The following MYBPC2 variants were observed in gnomAD, a reference collection of about 807,000 sequenced individuals.
MYBPC2 encodes the protein myosin-binding protein C, fast-type.
Under a neutral mutation model 137.0 loss-of-function variants are expected in MYBPC2, and 122 were observed. The ratio of observed to expected loss-of-function variants is 0.89; its 90% confidence interval spans 0.77 to 1.03. The LOEUF (loss-of-function observed/expected upper bound fraction) is 1.03. Among genes scored for constraint, MYBPC2 ranks in the 50% least tolerant of loss-of-function variants. The pLI is 0.00. For missense variants in MYBPC2, 1,500 were observed against 1,534.4 expected (o/e 0.98, Z 0.37); for synonymous variants, 626 against 612.3 (o/e 1.02, Z -0.33).
intron 12 of MYBPC2, among the ~76,000 whole-genome samples, chr19:50,448,008 C>T (rs1192568364): frequency 6.6e-6 from 1 of 152,156 alleles, no homozygotes; most frequent in Non-Finnish European, 1.5e-5. Context: ...GTAGATTCCT[C>T]CCTGCCTCCC....
intron 27 of MYBPC2, 150 bp downstream of exon 27, chr19:50,464,682 G>GA: frequency 1.1e-6 from 1 of 916,758 alleles, no homozygotes; most frequent in Non-Finnish European, 1.5e-6. Flanking sequence ...TGTCCTGAAG[G>GA]CAGCACAGGG....
At chr19:50,449,750 A>G (rs2039839267) in intron 13 of MYBPC2, among the ~76,000 whole-genome samples, 1 of 152,178 alleles carries the variant, frequency 6.6e-6, no homozygotes, top group Non-Finnish European at 1.5e-5. Flanking sequence ...GAGAGCCAGC[A>G]TGATGCCTGG....
At chr19:50,454,900 C>G (rs1312199392) in intron 18 of MYBPC2, among the ~76,000 whole-genome samples, 9 of 152,132 alleles carry the variant, frequency 5.9e-5, no homozygotes, top group Non-Finnish European at 1.0e-4. Flanking sequence ...CTCCTGGCCT[C>G]CTGGTTCATG....
At chr19:50,460,354 T>C (rs183360839) in intron 24 of MYBPC2, among the ~76,000 whole-genome samples, 175 bp downstream of exon 24, 8 of 152,278 alleles carry the variant, frequency 5.3e-5, no homozygotes, top group African/African-American at 1.9e-4. Context: ...TTCATTTTCT[T>C]TTTTCACTGA....
At chr19:50,450,512 T>G (rs2039845935) in intron 13 of MYBPC2, among the ~76,000 whole-genome samples, 1 of 152,114 alleles carries the variant, frequency 6.6e-6, no homozygotes, top group Non-Finnish European at 1.5e-5. Flanking sequence ...CAAACAATTC[T>G]CGATCCTCAG....
chr19:50,466,204 G>A lies in MYBPC2; in HGVS notation c.3425G>A (p.Ter1142=), dbSNP rs1179390291. 1.2e-6 allele frequency: 2 copies of A among 1,613,774 alleles called. No homozygotes were observed. The highest frequency in any genetic ancestry group is 1.7e-6 in the Non-Finnish European group (2 of 1,179,862). The part of the protein sequence containing the change: ...ECKLEVRVPQ[*] ...TCTCGTTTTCCTGCAGTGCCGCAGTGAGACCTGTCCCCTACCTGCCAAGAC... is the reference window on the plus strand; with the variant it reads ...TCTCGTTTTCCTGCAGTGCCGCAGTAAGACCTGTCCCCTACCTGCCAAGAC... The change falls in exon 28 of 28, where the codon TGA becomes TAA. Residue 1142 remains the stop codon, a stop_retained_variant. Coordinates refer to ENST00000357701, the MANE Select transcript of MYBPC2 (RefSeq NM_004533.4). The surrounding 1 kb of genome is among the most constrained non-coding windows in gnomAD (Gnocchi z 4.9).
In MYBPC2 at chr19:50,465,608, A is replaced by G. The variant is rs912049583; in HGVS notation, c.3416-587A>G. On this transcript the variant is annotated intron_variant, in intron 27 of 27. Coordinates refer to ENST00000357701, the MANE Select transcript of MYBPC2 (RefSeq NM_004533.4). The surrounding 1 kb of genome is among the most constrained non-coding windows in gnomAD (Gnocchi z 4.5). ...TGTAATCCCAGCACATTGGGAGGCCAAGGCAGGCGAGTTGCTTGAGCCCAG... is the reference window on the plus strand; with the variant it reads ...TGTAATCCCAGCACATTGGGAGGCCGAGGCAGGCGAGTTGCTTGAGCCCAG... Among the ~76,000 whole-genome samples, 3 of 152,174 alleles carry G rather than the reference A, an allele frequency of 2.0e-5. No individual in the cohort carries two copies. Among genetic ancestry groups the G allele is most frequent in the Non-Finnish European group, 4.4e-5 (3 of 68,034 alleles).
At position 50,443,601 on chromosome 19, in the gene MYBPC2, C is replaced by A; in HGVS notation, c.1010C>A (p.Thr337Asn). ...EVAVKDEKCF[T>N]ELFVKEPPVL... ...GCTGTCAAGGATGAGAAGTGTTTCA[C>A]CGAGCTCTTCGTCAAAGGTGAGGCT... is the stretch of plus-strand genomic sequence containing the variant. Residue 337 changes from threonine (T) to asparagine (N), a missense_variant, in exon 10 of 28, where the codon ACC (threonine) becomes AAC (asparagine). Transcript: ENST00000357701. 2 of 1,613,530 alleles carry A rather than the reference C, an allele frequency of 1.2e-6. No homozygotes were observed. Among genetic ancestry groups the A allele is most frequent in the Non-Finnish European group, 1.7e-6 (2 of 1,179,632 alleles).
chr19:50,462,523 C>G (rs775010622), intron 26 of MYBPC2, among the ~76,000 whole-genome samples: 1 of 151,942 alleles, frequency 6.6e-6, no homozygotes, highest in African/African-American at 2.4e-5. Flanking sequence ...GTTAGCTCCT[C>G]TGACCAGAGC....
chr19:50,454,856 C>A (rs12985874), intron 18 of MYBPC2, among the ~76,000 whole-genome samples: 39,827 of 151,896 alleles, frequency 0.26, 5,367 homozygotes, highest in East Asian at 0.38. Context: ...CCTGGGAATT[C>A]TCACTTTGAC....
At chr19:50,460,009 G>A (rs2039956999) in intron 23 of MYBPC2, 31 bp from the exon 24 acceptor site, 2 of 1,550,108 alleles carry the variant, frequency 1.3e-6, no homozygotes, top group Non-Finnish European at 1.7e-6. Flanking sequence ...CCCAAAACCT[G>A]GACTGACTTG....
At chr19:50,453,954 C>A in intron 16 of MYBPC2, 66 bp from the exon 17 acceptor site, 1 of 1,504,146 alleles carries the variant, frequency 6.6e-7, no homozygotes, top group Non-Finnish European at 8.9e-7. Flanking sequence ...AGGGGAATGG[C>A]AGAGGCAGGC....
chr19:50,444,942 T>C (rs1481404598), intron 11 of MYBPC2, among the ~76,000 whole-genome samples: 1 of 150,954 alleles, frequency 6.6e-6, no homozygotes, highest in Non-Finnish European at 1.5e-5. Flanking sequence ...ATTTATAATC[T>C]GCTAATTTGG....
At position 50,436,067 on chromosome 19, in the gene MYBPC2, G is replaced by C. The variant is rs546115552; in HGVS notation, c.252G>C (p.Pro84=). 4.4e-6 allele frequency: 7 copies of C among 1,584,346 alleles called. No individual in the cohort carries two copies. The highest frequency in any genetic ancestry group is 1.7e-4 in the Middle Eastern group (1 of 6,058). ...ACGGGAAGGAGCTCCCAGACAAACC[G>C]ACCATCAAGTGGTTCAAGGGGAAGT... ...KVNGKELPDK[P]TIKWFKGKWL... is the part of the protein sequence containing the mutation. The change falls in exon 4 of 28, where the codon CCG becomes CCC. Residue 84 remains proline (P), a synonymous_variant. Transcript: ENST00000357701.
chr19:50,454,867 C>T (rs2039894034), intron 18 of MYBPC2, among the ~76,000 whole-genome samples: 1 of 152,092 alleles, frequency 6.6e-6, no homozygotes, highest in East Asian at 1.9e-4. Context: ...TCACTTTGAC[C>T]AGTAGCCTGG....
chr19:50,435,693 C>CT lies in MYBPC2; in HGVS notation c.110-82dup. 3 of 1,209,578 alleles carry CT rather than the reference C, an allele frequency of 2.5e-6. No individual in the cohort carries two copies. The highest frequency in any genetic ancestry group is 3.5e-6 in the Non-Finnish European group (3 of 866,998). The allele number at this position is 1,209,578 out of a possible 1,614,324, so 74.9% of individuals were successfully genotyped here. On this transcript the variant is annotated intron_variant, in intron 2 of 27. Transcript: ENST00000357701. The surrounding 1 kb of genome is among the most constrained non-coding windows in gnomAD (Gnocchi z 4.8). ...CTGAGTAGAGGGGCCCTCACTGTCT[C>CT]TAAGTCCTTTCCCCAAAGCGGCCCA...
chr19:50,435,511 C>A lies in MYBPC2; in HGVS notation c.109+261C>A, dbSNP rs1399491762. Among the ~76,000 whole-genome samples, 2 of 152,186 alleles carry A rather than the reference C, an allele frequency of 1.3e-5. No individual in the cohort carries two copies. Among genetic ancestry groups the A allele is most frequent in the Non-Finnish European group, 2.9e-5 (2 of 68,018 alleles). On this transcript the variant is annotated intron_variant, in intron 2 of 27. Coordinates refer to ENST00000357701, the MANE Select transcript of MYBPC2 (RefSeq NM_004533.4). The surrounding 1 kb of genome is among the most constrained non-coding windows in gnomAD (Gnocchi z 4.8). Reference sequence around the variant, plus strand: ...CGGCCCCGGTCTCTCTAAACCTCTCCCGCCCCAAAGGCACATTCAGTGCCC... The same window carrying A: ...CGGCCCCGGTCTCTCTAAACCTCTCACGCCCCAAAGGCACATTCAGTGCCC...
chr19:50,453,904 ACT>A, intron 16 of MYBPC2, 114 bp from the exon 17 acceptor site: 1 of 1,192,778 alleles, frequency 8.4e-7, no homozygotes, highest in Non-Finnish European at 1.2e-6. Flanking sequence ...GCGAGTGAGG[ACT>A]CTGTGTGTTG....
intron 23 of MYBPC2, among the ~76,000 whole-genome samples, chr19:50,459,830 T>C (rs1601297284): frequency 1.3e-5 from 1 of 75,896 alleles, no homozygotes; most frequent in African/African-American, 5.4e-5. Flanking sequence ...TGGGGAGACA[T>C]GGGGGTGAGG....
Sources: allele counts gnomAD v4.1 joint callset (sites outside exome capture counted in the v4.1 genomes callset), GRCh38; gene constraint gnomAD v4.1.1; non-coding constraint Gnocchi (gnomAD v3.1); transcripts MANE v1.5; gene names NCBI Gene and HGNC (gene_info 2026-07-23, HGNC 2026-07-21).